Variants in TBC1D19 observed in about 807,000 individuals in gnomAD.
TBC1D19 encodes the protein TBC1 domain family member 19, also known as TBC1 domain family, member 19.
TBC1D19 carries 60 observed loss-of-function variants against 89.0 expected under a neutral mutation model. The observed-to-expected ratio is 0.67, with a 90% CI of 0.55 to 0.84. TBC1D19 has a LOEUF of 0.84. TBC1D19 is among the 40% of genes least tolerant of loss of function. The probability of loss-of-function intolerance (pLI) is 0.00; values close to 1 mark genes in which losing one functional copy is unlikely to be tolerated. For missense variants in TBC1D19, 500 were observed against 610.8 expected (o/e 0.82, Z 1.91); for synonymous variants, 189 against 199.7 (o/e 0.95, Z 0.45).
intron 15 of TBC1D19, among the ~76,000 whole-genome samples, chr4:26,728,638 T>A (rs1717464730): frequency 6.6e-6 from 1 of 152,214 alleles, no homozygotes; most frequent in African/African-American, 2.4e-5. Flanking sequence ...GTGGCTATAG[T>A]GTCATTGGGA....
Position 26,739,745 on chromosome 4 carries a change from A to T in TBC1D19, c.1118-119A>T, listed in dbSNP as rs373410780. 6 of 521,356 alleles carry T rather than the reference A, an allele frequency of 1.2e-5. No homozygotes were observed. The South Asian group carries it at 2.7e-4, about 24-fold the overall frequency. The allele number at this position is 521,356 out of a possible 1,614,324, so 32.3% of individuals were successfully genotyped here. A position where few individuals can be genotyped will look rare whatever the true frequency, so the allele number is the denominator to read the frequency against. On this transcript the variant is annotated intron_variant, in intron 16 of 20. Coordinates refer to ENST00000264866, the MANE Select transcript of TBC1D19 (RefSeq NM_018317.4). The stretch of plus-strand genomic sequence containing the variant: ...AATGAAAAAAAGTAGTATGATTTTA[A>T]ACTTGTCTGGTGGTGTATATGATTA...
At chr4:26,640,456 G>A (rs889218070) in intron 7 of TBC1D19, among the ~76,000 whole-genome samples, 3 of 152,150 alleles carry the variant, frequency 2.0e-5, no homozygotes, top group Non-Finnish European at 2.9e-5. Context: ...GGCCGAATAC[G>A]AACAGGCCCA....
intron 19 of TBC1D19, among the ~76,000 whole-genome samples, chr4:26,749,446 TTG>T (rs80270638): frequency 7.2e-5 from 5 of 69,624 alleles, no homozygotes; most frequent in Non-Finnish European, 2.1e-4. Context: ...CATATTCGGG[TTG>T]TTTTTTTTTT....
intron 1 of TBC1D19, among the ~76,000 whole-genome samples, chr4:26,594,182 C>T (rs2109960818): frequency 6.6e-6 from 1 of 152,264 alleles, no homozygotes; most frequent in Middle Eastern, 3.4e-3. Flanking sequence ...GAGTTCATGT[C>T]CTTTGTAGGG....
the TBC1D19 span, among the ~76,000 whole-genome samples, chr4:26,769,102 A>G: frequency 6.6e-6 from 1 of 152,136 alleles, no homozygotes; most frequent in South Asian, 2.1e-4. Context: ...ATTAAGGATG[A>G]CAACATATTA....
At chr4:26,783,157 A>G in the TBC1D19 span, among the ~76,000 whole-genome samples, 1 of 152,212 alleles carries the variant, frequency 6.6e-6, no homozygotes, top group Non-Finnish European at 1.5e-5. Context: ...ATAATCGAAG[A>G]TAATCCTCTG....
chr4:26,637,374 A>T (rs1266973984), intron 5 of TBC1D19, 89 bp downstream of exon 5: 2 of 1,032,996 alleles, frequency 1.9e-6, no homozygotes, highest in African/African-American at 1.7e-5. Context: ...AGGCACATTT[A>T]TTTATTTATT....
the TBC1D19 span, among the ~76,000 whole-genome samples, chr4:26,830,584 C>G: frequency 6.6e-6 from 1 of 152,144 alleles, no homozygotes; most frequent in African/African-American, 2.4e-5. Flanking sequence ...TGGGTATCTC[C>G]TAACCACCAG....
intron 8 of TBC1D19, among the ~76,000 whole-genome samples, chr4:26,665,247 A>G (rs1471696723): frequency 6.6e-6 from 1 of 152,218 alleles, no homozygotes; most frequent in Non-Finnish European, 1.5e-5. Context: ...AAATCTATAC[A>G]AAATGAAATG....
At chr4:26,664,239 G>C (rs1007342089) in intron 8 of TBC1D19, among the ~76,000 whole-genome samples, 1 of 152,184 alleles carries the variant, frequency 6.6e-6, no homozygotes, top group Admixed American at 6.5e-5. Context: ...AGCCTGGAAT[G>C]TCAAGGGAGG....
chr4:26,675,129 G>A (rs1193946362), intron 11 of TBC1D19, among the ~76,000 whole-genome samples: 1 of 151,922 alleles, frequency 6.6e-6, no homozygotes, highest in Non-Finnish European at 1.5e-5. Context: ...TTTTTTTGGT[G>A]AGTGTATCAA....
the TBC1D19 span, among the ~76,000 whole-genome samples, chr4:26,819,059 A>G: frequency 4.3e-4 from 65 of 152,256 alleles, no homozygotes; most frequent in Non-Finnish European, 8.8e-4. Context: ...GGAGACCGAC[A>G]CTCAACAGGC....
intron 1 of TBC1D19, among the ~76,000 whole-genome samples, chr4:26,610,870 C>G (rs1741337604): frequency 6.6e-6 from 1 of 151,962 alleles, no homozygotes; most frequent in Admixed American, 6.6e-5. Context: ...TAGGTTGATT[C>G]CATTTCTTTG....
At chr4:26,733,218 T>C (rs1717772094) in intron 15 of TBC1D19, among the ~76,000 whole-genome samples, 1 of 152,220 alleles carries the variant, frequency 6.6e-6, no homozygotes, top group African/African-American at 2.4e-5. Flanking sequence ...TTGATAAAAT[T>C]GCTTCTAGAA....
At chr4:26,837,908 A>T in the TBC1D19 span, among the ~76,000 whole-genome samples, 21 of 152,152 alleles carry the variant, frequency 1.4e-4, no homozygotes, top group Admixed American at 2.6e-4. Context: ...GAGATTTTAT[A>T]AAAAAATTGG....
intron 13 of TBC1D19, among the ~76,000 whole-genome samples, chr4:26,697,428 G>C (rs79258025): frequency 2.6e-5 from 4 of 152,126 alleles, no homozygotes; most frequent in African/African-American, 9.7e-5. Context: ...AATTCTACCA[G>C]AGGTACAAGG....
intron 1 of TBC1D19, among the ~76,000 whole-genome samples, chr4:26,578,235 T>C (rs1739010737): frequency 6.6e-6 from 1 of 152,222 alleles, no homozygotes; most frequent in African/African-American, 2.4e-5. Flanking sequence ...CCTGCACATT[T>C]GGCTCTGCTC....
At chr4:26,664,401 C>G (rs1711597115) in intron 8 of TBC1D19, among the ~76,000 whole-genome samples, 1 of 151,940 alleles carries the variant, frequency 6.6e-6, no homozygotes, top group Non-Finnish European at 1.5e-5. Context: ...ATGTCCTAGC[C>G]TAAGTAAAAC....
chr4:26,771,713 A>G, the TBC1D19 span, among the ~76,000 whole-genome samples: 1 of 152,344 alleles, frequency 6.6e-6, no homozygotes, highest in African/African-American at 2.4e-5. Flanking sequence ...TGCAAGATAA[A>G]TAAGTTCAAG....
Sources: allele counts gnomAD v4.1 joint callset (sites outside exome capture counted in the v4.1 genomes callset), GRCh38; gene constraint gnomAD v4.1.1; transcripts MANE v1.5; gene names NCBI Gene and HGNC (gene_info 2026-07-23, HGNC 2026-07-21).